Variants in GRIP2 observed in about 807,000 individuals in gnomAD.
GRIP2 encodes the protein glutamate receptor-interacting protein 2.
A neutral mutation model predicts 108.3 loss-of-function variants in GRIP2; 58 were observed. That is an observed-to-expected ratio of 0.54 (90% CI 0.43 to 0.67). The LOEUF is 0.67. Ranked by LOEUF, GRIP2 falls within the 30% of genes least tolerant of loss-of-function variation. GRIP2 has a pLI of 0.00. For synonymous variants in GRIP2, 586 were observed against 598.2 expected, an observed-to-expected ratio of 0.98 and a Z score of 0.30; for missense variants, 1,278 against 1,430.6, an observed-to-expected ratio of 0.89 and a Z score of 1.72.
intron 1 of GRIP2, among the ~76,000 whole-genome samples, chr3:14,530,348 C>T (rs1469044940): frequency 6.6e-6 from 1 of 152,200 alleles, no homozygotes; most frequent in African/African-American, 2.4e-5. Context: ...TGCTGCCACC[C>T]CAGTAGAGAA....
At chr3:14,569,752 G>C in the GRIP2 span, among the ~76,000 whole-genome samples, 1 of 152,068 alleles carries the variant, frequency 6.6e-6, no homozygotes, top group Non-Finnish European at 1.5e-5. Context: ...CCCTTTATAT[G>C]CGTTTTCCTC....
intron 7 of GRIP2, 158 bp from the exon 8 acceptor site, chr3:14,520,695 T>C: frequency 1.4e-6 from 1 of 738,982 alleles, no homozygotes; most frequent in Non-Finnish European, 2.2e-6. Flanking sequence ...TTTTTTTATC[T>C]TCTACCAAAT....
chr3:14,525,647 G>C (rs1269618740), intron 2 of GRIP2, 75 bp from the exon 3 acceptor site: 2 of 1,566,752 alleles, frequency 1.3e-6, no homozygotes, highest in South Asian at 2.3e-5. Context: ...AGATAAGCGA[G>C]GCGAGCACCT....
Position 14,521,917 on chromosome 3 carries a change from G to A in GRIP2, c.567-130C>T, listed in dbSNP as rs914849585. On this transcript the variant is annotated intron_variant, in intron 6 of 23. Transcript: ENST00000621039. This position sits in a 1 kb window ranked among gnomAD's most constrained non-coding sequence, Gnocchi z 5.1. ...ATGGGTGGGGGAGGAAGGGGAGGAG[G>A]GGACGGGTGAAGGGGCGCATGAGTG... The A allele has an allele frequency of 6.9e-5, 57 of 824,532 alleles. No individual in the cohort carries two copies. Among genetic ancestry groups the A allele is most frequent in the Non-Finnish European group, 1.0e-4 (56 of 553,544 alleles). The allele number at this position is 824,532 out of a possible 1,614,324, so 51.1% of individuals were successfully genotyped here.
chr3:14,574,745 C>G, the GRIP2 span: 2 of 466,626 alleles, frequency 4.3e-6, no homozygotes, highest in Non-Finnish European at 8.1e-6. Flanking sequence ...AGCCTTTCAT[C>G]AGTGCTGCGG....
intron 21 of GRIP2, among the ~76,000 whole-genome samples, chr3:14,497,985 G>GACTT (rs1454742933): frequency 6.6e-6 from 1 of 152,050 alleles, no homozygotes; most frequent in Non-Finnish European, 1.5e-5. Flanking sequence ...GGGGAGGATG[G>GACTT]ACTTCTTACT....
rs781278433 is a variant in GRIP2 at position 14,513,652 on chromosome 3, G to C, written c.1639+13C>G. 1.9e-5 allele frequency: 31 copies of C among 1,594,490 alleles called. No homozygotes were observed. Among genetic ancestry groups the C allele is most frequent in the Non-Finnish European group, 2.6e-5 (31 of 1,171,264 alleles). ...CCTGAAATATGAGGAGGAAGCTTGG[G>C]CCACTCACTCACCCGCCACATCGAA... On this transcript the variant is annotated intron_variant, in intron 13 of 23. Transcript: ENST00000621039.
intron 21 of GRIP2, among the ~76,000 whole-genome samples, chr3:14,501,429 A>G (rs113777039): frequency 6.6e-6 from 1 of 152,236 alleles, no homozygotes; most frequent in Non-Finnish European, 1.5e-5. Context: ...AGAGAGACTT[A>G]AGAGACATAA....
At position 14,540,081 on chromosome 3, in the gene GRIP2, C is replaced by T. The variant is rs571764933; in HGVS notation, c.40+188G>A. On this transcript the variant is annotated intron_variant, in intron 1 of 23. Transcript: ENST00000621039. This position sits in a 1 kb window ranked among gnomAD's most constrained non-coding sequence, Gnocchi z 4.1. The stretch of plus-strand genomic sequence containing the variant: ...TGGGGGAGGCTCAGCCATCCTGCTA[C>T]AGGACAGTGGCCAGGGTCAGACAGA... 6.6e-6 allele frequency among the ~76,000 whole-genome samples: 1 copy of T among 152,278 alleles called. No individual in the cohort carries two copies. Among genetic ancestry groups the T allele is most frequent in the East Asian group, 1.9e-4 (1 of 5,172 alleles).
chr3:14,563,738 G>T, the GRIP2 span, among the ~76,000 whole-genome samples: 1 of 152,100 alleles, frequency 6.6e-6, no homozygotes, highest in African/African-American at 2.4e-5. Flanking sequence ...AATTACAGGG[G>T]AGCTTAAAAG....
chr3:14,511,572 C>T lies in GRIP2; in HGVS notation c.1721-93G>A. 2.5e-6 allele frequency: 3 copies of T among 1,194,778 alleles called. No homozygotes were observed. The highest frequency in any genetic ancestry group is 3.6e-6 in the Non-Finnish European group (3 of 822,674). 74.0% of individuals were successfully genotyped at this position (1,194,778 alleles called of 1,614,324 possible). A position where few individuals can be genotyped will look rare whatever the true frequency, so the allele number is the denominator to read the frequency against. ...GGGTCTGAGTGTGGACTCGGAGCCA[C>T]TGGTCCTACTCACATCCTGGTCCCA... On this transcript the variant is annotated intron_variant, in intron 14 of 23. Transcript: ENST00000621039. This position sits in a 1 kb window ranked among gnomAD's most constrained non-coding sequence, Gnocchi z 4.1.
At position 14,525,552 on chromosome 3, in the gene GRIP2, C is replaced by G; in HGVS notation, c.142G>C (p.Val48Leu). The stretch of plus-strand genomic sequence containing the variant: ...CCTTCTTTCTTGATCAGCTCCACCA[C>G]AGTGATCCCTCGGAACTCCTCTGCC... ...SIPEEFRGIT[V>L]VELIKKEGST... Residue 48 changes from valine (V) to leucine (L), a missense_variant, in exon 3 of 24, where the codon GTG (valine) becomes CTG (leucine). Val to Leu is a conservative substitution (Grantham distance 32, BLOSUM62 1). Coordinates refer to ENST00000621039, the MANE Select transcript of GRIP2 (RefSeq NM_001080423.4). 1 of 1,613,864 alleles carries G rather than the reference C, an allele frequency of 6.2e-7. No individual in the cohort carries two copies. Among genetic ancestry groups the G allele is most frequent in the Non-Finnish European group, 8.5e-7 (1 of 1,179,872 alleles).
chr3:14,502,273 A>C (rs1241257053), intron 21 of GRIP2, among the ~76,000 whole-genome samples: 1 of 152,178 alleles, frequency 6.6e-6, no homozygotes, highest in Non-Finnish European at 1.5e-5. Flanking sequence ...CAGGTGGATC[A>C]CTTGAGGCCA....
At chr3:14,501,187 G>C (rs553626067) in intron 21 of GRIP2, among the ~76,000 whole-genome samples, 1 of 152,294 alleles carries the variant, frequency 6.6e-6, no homozygotes, top group Admixed American at 6.5e-5. Context: ...AGAGTAGATA[G>C]CAATTGCCAG....
At chr3:14,520,650 A>G (rs571742921) in intron 7 of GRIP2, 113 bp from the exon 8 acceptor site, 10 of 995,870 alleles carry the variant, frequency 1.0e-5, no homozygotes, top group South Asian at 9.7e-5. Context: ...TGTTATACCC[A>G]TTTGATTAAC....
chr3:14,576,043 G>A, the GRIP2 span, among the ~76,000 whole-genome samples: 5 of 152,348 alleles, frequency 3.3e-5, no homozygotes, highest in African/African-American at 1.2e-4. Context: ...CCCCTGTGGG[G>A]CTCAGGACTG....
chr3:14,578,307 T>A, the GRIP2 span, among the ~76,000 whole-genome samples: 5 of 152,156 alleles, frequency 3.3e-5, no homozygotes, highest in Non-Finnish European at 7.4e-5. Flanking sequence ...TGGGCAAGAC[T>A]TGTCACCTCT....
chr3:14,520,285 C>A lies in GRIP2; in HGVS notation c.861-6G>T, dbSNP rs558223229. On this transcript the variant is annotated splice_polypyrimidine_tract_variant and splice_region_variant and intron_variant, in intron 8 of 23. Transcript: ENST00000621039. ...CAGGGTGCAGGGCTCCGCTCCTGGC[C>A]AGGCAGGGGAGTGAAGGCGGAGGCT... The A allele has an allele frequency of 8.1e-6, 13 of 1,612,748 alleles. No homozygotes were observed. In the Admixed American group the frequency reaches 1.5e-4, roughly 19 times the overall value.
At chr3:14,573,116 G>T in the GRIP2 span, 1 of 1,432,688 alleles carries the variant, frequency 7.0e-7, no homozygotes, top group Non-Finnish European at 9.8e-7. Flanking sequence ...CAAAGTTGTC[G>T]ATCCAGGGCA....
Sources: gnomAD v4.1 joint callset for allele counts (sites outside exome capture counted in the v4.1 genomes callset) on GRCh38, gnomAD v4.1.1 for gene constraint, Gnocchi (gnomAD v3.1) non-coding constraint, MANE v1.5 for transcripts, NCBI Gene and HGNC (gene_info 2026-07-23, HGNC 2026-07-21) for gene names.